NRG2: variants seen among roughly 807,000 people sequenced by gnomAD.
The protein encoded by NRG2 is pro-neuregulin-2, membrane-bound isoform.
In NRG2, 27 loss-of-function variants were observed where a neutral mutation model predicts 73.9. The observed-to-expected ratio is 0.37, with a 90% CI of 0.27 to 0.50. The LOEUF (loss-of-function observed/expected upper bound fraction) is 0.50. NRG2 is among the 20% of genes least tolerant of loss of function. NRG2 has a pLI of 0.96. For missense variants in NRG2, 1,126 were observed against 1,210.1 expected (o/e 0.93, Z 1.03); for synonymous variants, 532 against 541.0 (o/e 0.98, Z 0.23).
At chr5:139,873,615 C>A (rs1247592318) in intron 3 of NRG2, among the ~76,000 whole-genome samples, 1 of 152,250 alleles carries the variant, frequency 6.6e-6, no homozygotes, top group Non-Finnish European at 1.5e-5. Context: ...CGAATGCAAG[C>A]GCAGTGAGGA....
chr5:139,904,432 G>T lies in NRG2; in HGVS notation c.701-16921C>A. The T allele has an allele frequency of 1.5e-6, 2 of 1,292,694 alleles. No individual in the cohort carries two copies. The highest frequency in any genetic ancestry group is 2.2e-6 in the Non-Finnish European group (2 of 922,764). The allele number at this position is 1,292,694 out of a possible 1,614,324, so 80.1% of individuals were successfully genotyped here. The stretch of plus-strand genomic sequence containing the variant: ...GGTCCCAGGCGGTGGGACGGCCTCA[G>T]CTCTCCGCTGCCGCGCTGCGCCCCC... On this transcript the variant is annotated intron_variant, in intron 1 of 9. Coordinates refer to ENST00000361474, the MANE Select transcript of NRG2 (RefSeq NM_004883.3). The surrounding 1 kb of genome is among the most constrained non-coding windows in gnomAD (Gnocchi z 6.0).
At chr5:139,982,776 A>C (rs1561727895) in intron 1 of NRG2, among the ~76,000 whole-genome samples, 1 of 152,116 alleles carries the variant, frequency 6.6e-6, no homozygotes. Context: ...CCCCTGGTCC[A>C]GTGAGCAGGG....
intron 1 of NRG2, among the ~76,000 whole-genome samples, chr5:139,898,894 A>C (rs1400886458): frequency 1.3e-5 from 2 of 152,108 alleles, no homozygotes. Flanking sequence ...TCCTTAAGTG[A>C]CTTCTTCAAT....
In NRG2 at chr5:139,847,764, A is replaced by C. The variant is rs1761084820; in HGVS notation, c.*153T>G. ...CTAGTATTATAAGACAATTTTTGCTAAAATGAAAATAAAACATTTTGTTAT... is the reference window on the plus strand; with the variant it reads ...CTAGTATTATAAGACAATTTTTGCTCAAATGAAAATAAAACATTTTGTTAT... On this transcript the variant is annotated 3_prime_UTR_variant, in exon 10 of 10. Coordinates refer to ENST00000361474, the MANE Select transcript of NRG2 (RefSeq NM_004883.3). The C allele has an allele frequency of 1.7e-6, 1 of 578,716 alleles. No individual in the cohort carries two copies. Among genetic ancestry groups the C allele is most frequent in the African/African-American group, 1.9e-5 (1 of 51,482 alleles). The allele number at this position is 578,716 out of a possible 1,614,324, so 35.8% of individuals were successfully genotyped here.
chr5:139,910,081 T>C (rs1288570412), intron 1 of NRG2, among the ~76,000 whole-genome samples: 1 of 152,220 alleles, frequency 6.6e-6, no homozygotes, highest in East Asian at 1.9e-4. Flanking sequence ...GGAACACTTT[T>C]GTTTGGGCCC....
In NRG2 at chr5:139,880,957, T is replaced by C; in HGVS notation, c.890A>G (p.Gln297Arg). ...GTCCTCCACCTTCACCTTGTTGAAC[T>C]GTAGTCGTGAGTTCTTTCTGGTTAG... ...YGNGRKNSRL[Q>R]FNKVKVEDAG... The change falls in exon 3 of 10, where the codon CAG becomes CGG. Residue 297 changes from glutamine to arginine, a missense_variant. Transcript: ENST00000361474. The C allele has an allele frequency of 6.2e-7, 1 of 1,614,078 alleles. No homozygotes were observed. Among genetic ancestry groups the C allele is most frequent in the South Asian group, 1.1e-5 (1 of 91,082 alleles).
At chr5:140,030,614 A>G (rs1761061562) in intron 1 of NRG2, among the ~76,000 whole-genome samples, 1 of 152,248 alleles carries the variant, frequency 6.6e-6, no homozygotes, top group South Asian at 2.1e-4. Flanking sequence ...ACCTACTCAG[A>G]TAATTTACAC....
rs76622020 is a variant in NRG2, at chr5:140,011,762, C to T, written c.700+30608G>A. The stretch of plus-strand genomic sequence containing the variant: ...GTGAAAGTCCCTAGACTGGAGGACT[C>T]ACATCTGGATTTCTGACTGATAGAA... On this transcript the variant is annotated intron_variant, in intron 1 of 9. Coordinates refer to ENST00000361474, the MANE Select transcript of NRG2 (RefSeq NM_004883.3). 3.6e-3 allele frequency among the ~76,000 whole-genome samples: 543 copies of T among 152,298 alleles called. 5 individuals are homozygous for T. The highest frequency in any genetic ancestry group is 0.013 in the African/African-American group (522 of 41,550).
intron 1 of NRG2, among the ~76,000 whole-genome samples, chr5:139,961,217 G>T (rs904795584): frequency 6.6e-6 from 1 of 152,162 alleles, no homozygotes; most frequent in Non-Finnish European, 1.5e-5. Flanking sequence ...AGAAGGGGGA[G>T]CCCCAGCCGG....
chr5:139,865,088 G>A lies in NRG2; in HGVS notation c.1189+461C>T, dbSNP rs370255660. Reference sequence around the variant, plus strand: ...GGGGAGACTGTCAGTCACCAGGGAAGAGAAGAAATAGAAGAAAGAGACATA... The same window carrying A: ...GGGGAGACTGTCAGTCACCAGGGAAAAGAAGAAATAGAAGAAAGAGACATA... On this transcript the variant is annotated intron_variant, in intron 5 of 9. Coordinates refer to ENST00000361474, the MANE Select transcript of NRG2 (RefSeq NM_004883.3). This position sits in a 1 kb window ranked among gnomAD's most constrained non-coding sequence, Gnocchi z 5.2. The A allele has an allele frequency of 2.0e-4, 315 of 1,598,362 alleles. No homozygotes were observed. In the African/African-American group the frequency reaches 3.1e-3, roughly 16 times the overall value.
intron 1 of NRG2, among the ~76,000 whole-genome samples, chr5:139,964,838 C>T (rs138830309): frequency 6.6e-6 from 1 of 152,342 alleles, no homozygotes; most frequent in East Asian, 1.9e-4. Context: ...ACCTATCTAG[C>T]CCTGAGCCAT....
At chr5:139,983,947 C>T (rs1756988360) in intron 1 of NRG2, among the ~76,000 whole-genome samples, 1 of 152,186 alleles carries the variant, frequency 6.6e-6, no homozygotes, top group African/African-American at 2.4e-5. Context: ...AATTCAACTG[C>T]ACTACCCTGC....
chr5:139,955,130 C>T (rs1754519268), intron 1 of NRG2, among the ~76,000 whole-genome samples: 1 of 152,200 alleles, frequency 6.6e-6, no homozygotes, highest in Non-Finnish European at 1.5e-5. Flanking sequence ...GAAGAGCTTA[C>T]AGTCTTGAGA....
At chr5:139,981,317 G>T (rs923042519) in intron 1 of NRG2, among the ~76,000 whole-genome samples, 1 of 152,172 alleles carries the variant, frequency 6.6e-6, no homozygotes, top group Non-Finnish European at 1.5e-5. Context: ...CACTCCTAGG[G>T]TTGGAGTTCA....
At chr5:139,961,111 C>T (rs1580823327) in intron 1 of NRG2, among the ~76,000 whole-genome samples, 1 of 152,348 alleles carries the variant, frequency 6.6e-6, no homozygotes, top group African/African-American at 2.4e-5. Context: ...AACCAACACG[C>T]TTGTACGCTG....
chr5:139,884,405 C>T (rs968027405), intron 2 of NRG2, among the ~76,000 whole-genome samples: 2 of 152,116 alleles, frequency 1.3e-5, no homozygotes, highest in African/African-American at 4.8e-5. Flanking sequence ...GACCAGCGGC[C>T]GAGAGTGTGG....
intron 1 of NRG2, among the ~76,000 whole-genome samples, chr5:139,953,687 C>T (rs140750557): frequency 3.2e-4 from 48 of 152,244 alleles, no homozygotes; most frequent in Non-Finnish European, 3.7e-4. Flanking sequence ...AAGGATTTGA[C>T]CAGATGATGA....
intron 3 of NRG2, among the ~76,000 whole-genome samples, chr5:139,872,935 A>G (rs1762955493): frequency 6.6e-6 from 1 of 152,140 alleles, no homozygotes; most frequent in Non-Finnish European, 1.5e-5. Context: ...CACCCAGCCC[A>G]GCAGTGGCCT....
intron 1 of NRG2, among the ~76,000 whole-genome samples, chr5:139,945,618 A>G (rs1753747885): frequency 6.6e-6 from 1 of 152,056 alleles, no homozygotes; most frequent in Non-Finnish European, 1.5e-5. Flanking sequence ...GTGGTTCCAT[A>G]CAAATTTTAG....
Sources: allele counts gnomAD v4.1 joint callset (sites outside exome capture counted in the v4.1 genomes callset), GRCh38; gene constraint gnomAD v4.1.1; non-coding constraint Gnocchi (gnomAD v3.1); transcripts MANE v1.5; gene names NCBI Gene and HGNC (gene_info 2026-07-23, HGNC 2026-07-21).